ROR1: variants seen among roughly 807,000 people sequenced by gnomAD.
The protein encoded by ROR1 is inactive tyrosine-protein kinase transmembrane receptor ROR1.
A neutral mutation model predicts 78.8 loss-of-function variants in ROR1; 19 were observed. That is an observed-to-expected ratio of 0.24 (90% CI 0.17 to 0.35). The LOEUF is 0.35. Among genes scored for constraint, ROR1 ranks in the 10% least tolerant of loss-of-function variants. ROR1 has a pLI of 1.00. For missense variants in ROR1, 917 were observed against 1,177.8 expected (o/e 0.78, Z 3.24); for synonymous variants, 386 against 433.6 (o/e 0.89, Z 1.36).
chr1:64,050,385 A>G (rs1294343659), intron 3 of ROR1, among the ~76,000 whole-genome samples: 1 of 151,894 alleles, frequency 6.6e-6, no homozygotes, highest in Non-Finnish European at 1.5e-5. Context: ...TCATGCAACC[A>G]CTCAGCCCAT....
At chr1:63,910,635 G>T (rs1200141122) in intron 1 of ROR1, among the ~76,000 whole-genome samples, 2 of 152,066 alleles carry the variant, frequency 1.3e-5, no homozygotes, top group Non-Finnish European at 2.9e-5. Flanking sequence ...CCCTGTGTTG[G>T]GACCTTTATC....
At chr1:63,856,780 G>C (rs903451157) in intron 1 of ROR1, among the ~76,000 whole-genome samples, 2 of 152,110 alleles carry the variant, frequency 1.3e-5, no homozygotes, top group African/African-American at 4.8e-5. Flanking sequence ...ACTCCAACTT[G>C]GCCAGAAATG....
At chr1:63,966,352 C>T (rs545516400) in intron 1 of ROR1, among the ~76,000 whole-genome samples, 7 of 152,230 alleles carry the variant, frequency 4.6e-5, no homozygotes, top group East Asian at 1.9e-4. Flanking sequence ...CATCCCAGCT[C>T]GGCATGTCGA....
intron 4 of ROR1, among the ~76,000 whole-genome samples, chr1:64,092,916 C>A (rs575732476): frequency 7.2e-5 from 11 of 152,160 alleles, no homozygotes; most frequent in Non-Finnish European, 1.3e-4. Flanking sequence ...CTGTGAATAT[C>A]TTCTGTTTAG....
At chr1:64,056,154 T>C (rs1381957748) in intron 4 of ROR1, among the ~76,000 whole-genome samples, 1 of 152,176 alleles carries the variant, frequency 6.6e-6, no homozygotes, top group Non-Finnish European at 1.5e-5. Context: ...ATGTGCATTG[T>C]GGGGTATGTG....
At chr1:63,960,720 C>A (rs1190098337) in intron 1 of ROR1, among the ~76,000 whole-genome samples, 1 of 152,198 alleles carries the variant, frequency 6.6e-6, no homozygotes, top group Admixed American at 6.5e-5. Flanking sequence ...AAACTTTGAA[C>A]TCTCAGCCTT....
chr1:64,073,293 G>A (rs1647022356), intron 4 of ROR1, among the ~76,000 whole-genome samples: 2 of 152,138 alleles, frequency 1.3e-5, no homozygotes, highest in South Asian at 4.2e-4. Context: ...TCAGTCAGAA[G>A]ATCCAACTAC....
chr1:64,169,258 A>C (rs951194887), intron 8 of ROR1, among the ~76,000 whole-genome samples: 1 of 152,222 alleles, frequency 6.6e-6, no homozygotes. Context: ...ACTGCTGATA[A>C]AGACATACCT....
chr1:64,136,325 T>G (rs1045545843), intron 4 of ROR1, among the ~76,000 whole-genome samples: 4 of 151,298 alleles, frequency 2.6e-5, no homozygotes, highest in Non-Finnish European at 2.9e-5. Flanking sequence ...GGATTTTTAC[T>G]TAGAAGAAAC....
chr1:63,964,592 C>A (rs973746629), intron 1 of ROR1, among the ~76,000 whole-genome samples: 1 of 152,166 alleles, frequency 6.6e-6, no homozygotes, highest in Admixed American at 6.5e-5. Context: ...TACAGTTGAT[C>A]TTCGAGGGTT....
At position 63,954,966 on chromosome 1, in the gene ROR1, A is replaced by C. The variant is rs138480948; in HGVS notation, c.92-54339A>C. 8.0e-3 allele frequency among the ~76,000 whole-genome samples: 1,218 copies of C among 152,264 alleles called. 15 individuals carry two copies. The highest frequency in any genetic ancestry group is 0.034 in the Middle Eastern group (10 of 294). Reference sequence around the variant, plus strand: ...CATGGAAGATAGACAAGTAGGCAAAATGGGATGGTGTGGGTTGTGGGATGG... The same window carrying C: ...CATGGAAGATAGACAAGTAGGCAAACTGGGATGGTGTGGGTTGTGGGATGG... On this transcript the variant is annotated intron_variant, in intron 1 of 8. Transcript: ENST00000371079.
At chr1:63,868,049 G>T (rs192220659) in intron 1 of ROR1, among the ~76,000 whole-genome samples, 1 of 152,320 alleles carries the variant, frequency 6.6e-6, no homozygotes, top group African/African-American at 2.4e-5. Context: ...TAATGAAAAA[G>T]CAGCCATGGC....
At chr1:63,851,620 T>A (rs664025) in intron 1 of ROR1, among the ~76,000 whole-genome samples, 31,897 of 152,138 alleles carry the variant, frequency 0.21, 7,064 homozygotes, top group African/African-American at 0.56. Context: ...TTCCCCTCAT[T>A]GCCCTATTTT....
intron 4 of ROR1, among the ~76,000 whole-genome samples, chr1:64,062,071 A>G (rs1646921204): frequency 6.6e-6 from 1 of 152,144 alleles, no homozygotes; most frequent in African/African-American, 2.4e-5. Flanking sequence ...TGGCTGTGAT[A>G]TTGTGCGCTC....
intron 1 of ROR1, among the ~76,000 whole-genome samples, chr1:63,850,567 G>GGT (rs1553137247): frequency 6.6e-6 from 1 of 151,986 alleles, no homozygotes; most frequent in Non-Finnish European, 1.5e-5. Flanking sequence ...ACAGGTATGA[G>GGT]AAACTATCAC....
intron 1 of ROR1, among the ~76,000 whole-genome samples, chr1:63,959,868 C>G (rs1472231125): frequency 1.3e-5 from 2 of 152,186 alleles, no homozygotes; most frequent in South Asian, 2.1e-4. Flanking sequence ...CACCAGCAGC[C>G]CCTTCAACCT....
chr1:63,861,502 G>T (rs1645181521), intron 1 of ROR1, among the ~76,000 whole-genome samples: 2 of 152,146 alleles, frequency 1.3e-5, no homozygotes, highest in Admixed American at 1.3e-4. Context: ...ATGTTACATA[G>T]CCAAGAACAT....
chr1:63,996,467 A>G (rs887865016), intron 1 of ROR1, among the ~76,000 whole-genome samples: 2 of 152,170 alleles, frequency 1.3e-5, no homozygotes, highest in Admixed American at 1.3e-4. Context: ...TAAGTATTTG[A>G]ACATTGCCAG....
At chr1:64,121,825 C>T (rs865818790) in intron 4 of ROR1, among the ~76,000 whole-genome samples, 1 of 152,162 alleles carries the variant, frequency 6.6e-6, no homozygotes, top group South Asian at 2.1e-4. Context: ...AATAGATCTA[C>T]CTCTGCCTCT....
Sources: allele counts gnomAD v4.1 joint callset (sites outside exome capture counted in the v4.1 genomes callset), GRCh38; gene constraint gnomAD v4.1.1; transcripts MANE v1.5; gene names NCBI Gene and HGNC (gene_info 2026-07-23, HGNC 2026-07-21).